MDN1: variants seen among roughly 807,000 people sequenced by gnomAD.
The protein encoded by MDN1 is midasin AAA ATPase 1.
MDN1 carries 266 observed loss-of-function variants against 669.2 expected under a neutral mutation model. The ratio of observed to expected loss-of-function variants is 0.40; its 90% CI spans 0.36 to 0.44. The LOEUF is 0.44. Ranked by LOEUF, MDN1 falls within the 20% of genes least tolerant of loss-of-function variation. The pLI, the probability that MDN1 is intolerant of heterozygous loss-of-function variation, is 1.00. For synonymous variants in MDN1, 2,385 were observed against 2,457.1 expected (o/e 0.97, Z 0.87); for missense variants, 5,940 against 6,754.0 (o/e 0.88, Z 4.22).
intron 27 of MDN1, among the ~76,000 whole-genome samples, chr6:89,745,970 A>T (rs1175786145): frequency 6.6e-6 from 1 of 152,198 alleles, no homozygotes; most frequent in Non-Finnish European, 1.5e-5. Flanking sequence ...GTGGATTACC[A>T]CATAAAAAGA....
chr6:89,656,824 G>T (rs779023785), intron 90 of MDN1, 23 bp from the exon 91 acceptor site: 1 of 1,593,854 alleles, frequency 6.3e-7, no homozygotes, highest in Admixed American at 1.7e-5. Flanking sequence ...AGCCACAAAA[G>T]AATGAGGTGA....
intron 72 of MDN1, 116 bp from the exon 73 acceptor site, chr6:89,683,446 T>A: frequency 1.3e-6 from 1 of 767,714 alleles, no homozygotes; most frequent in Non-Finnish European, 2.1e-6. Context: ...ACCTTTTATA[T>A]ACAATGCTCT....
intron 97 of MDN1, among the ~76,000 whole-genome samples, chr6:89,649,225 T>C (rs933819737): frequency 1.3e-5 from 2 of 152,252 alleles, no homozygotes; most frequent in Admixed American, 6.5e-5. Flanking sequence ...TCTACATCTA[T>C]TATTTCATTT....
At chr6:89,808,847 AT>A (rs1422316316) in intron 1 of MDN1, among the ~76,000 whole-genome samples, 1 of 152,116 alleles carries the variant, frequency 6.6e-6, no homozygotes, top group Non-Finnish European at 1.5e-5. Context: ...CGTTTTTCAT[AT>A]GGATTTTTTC....
intron 49 of MDN1, among the ~76,000 whole-genome samples, chr6:89,711,400 A>G (rs946420659): frequency 1.0e-4 from 16 of 152,388 alleles, no homozygotes; most frequent in African/African-American, 3.1e-4. Context: ...AACGTACTAC[A>G]ACAACTATTT....
intron 2 of MDN1, among the ~76,000 whole-genome samples, chr6:89,800,123 A>G (rs922646285): frequency 2.0e-5 from 3 of 152,094 alleles, no homozygotes; most frequent in Admixed American, 2.0e-4. Context: ...TATCCAATTA[A>G]AAAGAAAAAA....
In MDN1 at chr6:89,689,908, G is replaced by T; in HGVS notation, c.10985C>A (p.Thr3662Asn). 1 of 1,614,214 alleles carries T rather than the reference G, an allele frequency of 6.2e-7. No individual in the cohort carries two copies. Among genetic ancestry groups the T allele is most frequent in the Non-Finnish European group, 8.5e-7 (1 of 1,180,038 alleles). The change falls in exon 65 of 102, where the codon ACT (threonine) becomes AAT (asparagine). Residue 3662 changes from threonine (T) to asparagine (N), a missense_variant. Coordinates refer to ENST00000369393, the MANE Select transcript of MDN1 (RefSeq NM_014611.3). Reference protein sequence around the residue: ...YLSLFLSCYQTGASLVTHFYP... With the variant: ...YLSLFLSCYQNGASLVTHFYP... ...GAAGTGTGTCACAAGCGATGCCCCA[G>T]TCTGATAGCAAGACAGAAACAGGCT...
At chr6:89,655,723 G>C in intron 92 of MDN1, 41 bp downstream of exon 92, 2 of 1,539,362 alleles carry the variant, frequency 1.3e-6, no homozygotes, top group Non-Finnish European at 1.8e-6. Flanking sequence ...CTCTCATAGA[G>C]AGCTCAGTGG....
At chr6:89,803,097 T>C (rs1036956520) in intron 2 of MDN1, among the ~76,000 whole-genome samples, 1 of 152,214 alleles carries the variant, frequency 6.6e-6, no homozygotes, top group East Asian at 1.9e-4. Context: ...ATCCTGGCCA[T>C]CTTTCCAGGT....
intron 74 of MDN1, among the ~76,000 whole-genome samples, chr6:89,679,065 C>T (rs1021055278): frequency 1.3e-5 from 2 of 152,180 alleles, no homozygotes; most frequent in African/African-American, 4.8e-5. Context: ...ACTTACTGAG[C>T]ACCAACTATG....
Position 89,643,954 on chromosome 6 carries a change from A to G in MDN1, c.*51T>C, listed in dbSNP as rs1808313060. On this transcript the variant is annotated 3_prime_UTR_variant, in exon 102 of 102. Transcript: ENST00000369393. ...CCAAAAGGGAGCACCTGGGTAAGCA[A>G]TGTGACCTTCTGACCACAGTTAAGT... is the stretch of plus-strand genomic sequence containing the variant. The G allele has an allele frequency of 2.1e-6, 3 of 1,451,426 alleles. No individual in the cohort carries two copies. Among genetic ancestry groups the G allele is most frequent in the South Asian group, 2.9e-5 (2 of 68,852 alleles). 89.9% of individuals were successfully genotyped at this position (1,451,426 alleles called of 1,614,324 possible).
intron 69 of MDN1, among the ~76,000 whole-genome samples, chr6:89,686,496 C>T (rs558646972): frequency 6.6e-6 from 1 of 152,142 alleles, no homozygotes; most frequent in South Asian, 2.1e-4. Flanking sequence ...GTGTTAAATG[C>T]ACTCACAGCA....
chr6:89,661,443 C>T lies in MDN1; in HGVS notation c.14701G>A (p.Glu4901Lys), dbSNP rs1809757308. ...DKNGGEDTDN[E>K]EGEEENPLEI... ...CTGAAAGACGCACCTTCTCCTTCTT[C>T]ATTGTCGGTGTCCTCACCACCATTC... is the stretch of plus-strand genomic sequence containing the variant. The change falls in exon 88 of 102, where the codon GAA (glutamate) becomes AAA (lysine). Residue 4901 changes from glutamate to lysine, a missense_variant. Glu to Lys is a moderately conservative substitution (Grantham distance 56). Around this residue, in one of 5 missense-constraint regions of MDN1, gnomAD observed 2,280 missense variants for 2,576.3 expected, o/e 0.88. Transcript: ENST00000369393. 1.2e-6 allele frequency: 2 copies of T among 1,612,214 alleles called. No individual in the cohort carries two copies. Among genetic ancestry groups the T allele is most frequent in the African/African-American group, 2.7e-5 (2 of 74,916 alleles).
intron 11 of MDN1, among the ~76,000 whole-genome samples, chr6:89,777,026 G>A (rs1818391316): frequency 6.6e-6 from 1 of 152,188 alleles, no homozygotes. Context: ...AAGGAGAACT[G>A]ACTCATATAG....
intron 73 of MDN1, among the ~76,000 whole-genome samples, chr6:89,682,891 G>A (rs1811740196): frequency 6.7e-6 from 1 of 150,106 alleles, no homozygotes. Flanking sequence ...AGACTGCAGT[G>A]AGCCATAATC....
chr6:89,648,364 G>T (rs1275478996), intron 97 of MDN1, 35 bp from the exon 98 acceptor site: 1 of 1,583,264 alleles, frequency 6.3e-7, no homozygotes, highest in Non-Finnish European at 8.7e-7. Context: ...TTAGGAATCA[G>T]AATATCCTCT....
At chr6:89,787,826 T>C in intron 8 of MDN1, 28 bp downstream of exon 8, 1 of 1,556,288 alleles carries the variant, frequency 6.4e-7, no homozygotes, top group Non-Finnish European at 8.8e-7. Context: ...GGCTCCAGAG[T>C]GAAAACAGAA....
rs138101916 is a variant in MDN1 at position 89,709,525 on chromosome 6, A to G, written c.7766-897T>C. ...CTCTCATAGTGGAAAGCCATGCCTT[A>G]GTTCAGCCACAACTTGACTAGCAAA... is the stretch of plus-strand genomic sequence containing the variant. On this transcript the variant is annotated intron_variant, in intron 50 of 101. Coordinates refer to ENST00000369393, the MANE Select transcript of MDN1 (RefSeq NM_014611.3). Among the ~76,000 whole-genome samples the G allele has an allele frequency of 3.8e-3, 577 of 152,362 alleles. 4 individuals carry two copies. The highest frequency in any genetic ancestry group is 0.013 in the African/African-American group (531 of 41,586).
chr6:89,741,783 G>A (rs1297377244), intron 31 of MDN1, among the ~76,000 whole-genome samples: 4 of 152,116 alleles, frequency 2.6e-5, no homozygotes, highest in South Asian at 2.1e-4. Context: ...TGTCCCAACA[G>A]CATTCCCCAT....
Sources: gnomAD v4.1 joint callset for allele counts (sites outside exome capture counted in the v4.1 genomes callset) on GRCh38, gnomAD v4.1.1 for gene constraint, gnomAD v4.1.1 regional missense constraint, MANE v1.5 for transcripts, NCBI Gene and HGNC (gene_info 2026-07-23, HGNC 2026-07-21) for gene names.